Variants in SLC9A7 observed in about 807,000 individuals in gnomAD.
The protein encoded by SLC9A7 is sodium/hydrogen exchanger 7.
A neutral mutation model predicts 52.6 loss-of-function variants in SLC9A7; 19 were observed. The observed-to-expected ratio is 0.36, with a 90% CI of 0.25 to 0.53. The LOEUF is 0.53. Ranked by LOEUF, SLC9A7 falls within the 20% of genes least tolerant of loss-of-function variation. The pLI, the probability that SLC9A7 is intolerant of heterozygous loss-of-function variation, is 0.91. For synonymous variants in SLC9A7, 226 were observed against 252.1 expected (o/e 0.90, Z 0.98); for missense variants, 455 against 597.9 (o/e 0.76, Z 2.49).
At chrX:46,661,090 G>A (rs1195940186) in intron 7 of SLC9A7, among the ~76,000 whole-genome samples, 1 of 111,073 alleles carries the variant, frequency 9.0e-6, no homozygotes, top group Non-Finnish European at 1.9e-5. Flanking sequence ...GATGAAACTG[G>A]AAATCATCAT....
intron 3 of SLC9A7, among the ~76,000 whole-genome samples, chrX:46,679,076 C>T (rs1231968438): frequency 9.0e-6 from 1 of 111,417 alleles, no homozygotes; most frequent in East Asian, 2.8e-4. Flanking sequence ...AATTTGTTTC[C>T]CATTTTATAA....
intron 3 of SLC9A7, among the ~76,000 whole-genome samples, chrX:46,678,908 T>C (rs1820889580): frequency 1.8e-5 from 2 of 111,187 alleles, no homozygotes; most frequent in African/African-American, 6.5e-5. Flanking sequence ...TGTGTGTGCA[T>C]AGTTCCCTAT....
chrX:46,626,725 C>T (rs1433587022), intron 14 of SLC9A7, among the ~76,000 whole-genome samples: 3 of 111,729 alleles, frequency 2.7e-5, no homozygotes, highest in South Asian at 3.7e-4. Flanking sequence ...TGAGTTCTCA[C>T]GAGATCTGGT....
intron 1 of SLC9A7, among the ~76,000 whole-genome samples, chrX:46,739,448 A>ATCTC (rs531899878): frequency 1.8e-4 from 19 of 104,999 alleles, no homozygotes; most frequent in African/African-American, 4.5e-4. Context: ...GACTCCTATC[A>ATCTC]TCTCTCTCTC....
Position 46,758,918 on chromosome X carries a change from C to G in SLC9A7, c.112G>C (p.Ala38Pro). Residue 38 changes from alanine to proline, a missense_variant, in exon 1 of 17, where the codon GCG becomes CCG. Around this residue, in one of 3 missense-constraint regions of SLC9A7, gnomAD observed 304 missense variants for 417.8 expected, o/e 0.73. Coordinates refer to ENST00000616978, the MANE Select transcript of SLC9A7 (RefSeq NM_001257291.2). Reference protein sequence around the residue: ...LLGWGLRVAAAASASSSGAAA... With the variant: ...LLGWGLRVAAPASASSSGAAA... Reference sequence around the variant, plus strand: ...GCCCCAGAGGAGGAGGCCGAGGCCGCGGCCGCGACTCGCAGCCCCCAACCC... The same window carrying G: ...GCCCCAGAGGAGGAGGCCGAGGCCGGGGCCGCGACTCGCAGCCCCCAACCC... 1 of 1,154,029 alleles carries G rather than the reference C, an allele frequency of 8.7e-7. No individual in the cohort carries two copies. Among genetic ancestry groups the G allele is most frequent in the Non-Finnish European group, 1.1e-6 (1 of 869,582 alleles).
chrX:46,618,836 C>T (rs1459735426), intron 15 of SLC9A7, among the ~76,000 whole-genome samples: 4 of 109,034 alleles, frequency 3.7e-5, no homozygotes, highest in Admixed American at 9.8e-5. Flanking sequence ...CCCAGCTACT[C>T]GGGAGGCTAA....
chrX:46,695,022 C>T (rs1944430288), intron 1 of SLC9A7, among the ~76,000 whole-genome samples: 1 of 111,722 alleles, frequency 9.0e-6, no homozygotes, highest in South Asian at 3.7e-4. Context: ...GTGTCTAGGA[C>T]AGGTATATCT....
intron 1 of SLC9A7, among the ~76,000 whole-genome samples, chrX:46,717,777 T>C (rs1319397643): frequency 9.0e-6 from 1 of 111,276 alleles, no homozygotes; most frequent in Non-Finnish European, 1.9e-5. Flanking sequence ...TACAAACCAC[T>C]GCTCAATGAA....
chrX:46,722,121 G>A (rs1944870511), intron 1 of SLC9A7, among the ~76,000 whole-genome samples: 1 of 111,326 alleles, frequency 9.0e-6, no homozygotes, highest in Non-Finnish European at 1.9e-5. Flanking sequence ...GTAAGGGCGA[G>A]TAGTGAGTAC....
intron 1 of SLC9A7, among the ~76,000 whole-genome samples, chrX:46,715,585 G>A (rs1439929571): frequency 8.9e-6 from 1 of 111,906 alleles, no homozygotes; most frequent in African/African-American, 3.2e-5. Flanking sequence ...AGTTGAAAAT[G>A]ACAAATGTCG....
intron 7 of SLC9A7, among the ~76,000 whole-genome samples, chrX:46,660,797 G>C (rs1248621179): frequency 3.9e-4 from 42 of 108,576 alleles, no homozygotes; most frequent in African/African-American, 1.4e-3. Context: ...TTCAACCATT[G>C]TGGAAGTCAG....
At chrX:46,631,510 G>A (rs1278458307) in intron 14 of SLC9A7, 76 bp downstream of exon 14, 1 of 785,416 alleles carries the variant, frequency 1.3e-6, no homozygotes, top group African/African-American at 2.0e-5. Context: ...CACATTGAGG[G>A]AATCTAGGTA....
At chrX:46,709,636 A>G (rs1425754982) in intron 1 of SLC9A7, among the ~76,000 whole-genome samples, 2 of 112,038 alleles carry the variant, frequency 1.8e-5, no homozygotes, top group Non-Finnish European at 3.8e-5. Context: ...TACTGTATGT[A>G]TAAGACTGTG....
intron 7 of SLC9A7, among the ~76,000 whole-genome samples, chrX:46,658,623 A>G (rs1380392349): frequency 9.0e-6 from 1 of 111,109 alleles, no homozygotes; most frequent in African/African-American, 3.3e-5. Flanking sequence ...GAAAATCTAG[A>G]AGAAATGGAT....
Position 46,631,637 on chromosome X carries a change from G to A in SLC9A7, c.1689C>T (p.Asp563=). The A allele has an allele frequency of 8.3e-7, 1 of 1,207,572 alleles. No homozygotes were observed. The highest frequency in any genetic ancestry group is 1.1e-6 in the Non-Finnish European group (1 of 892,135). The change falls in exon 14 of 17, where the codon GAC becomes GAT. Residue 563 remains aspartate (D), a synonymous_variant. Transcript: ENST00000616978. Reference sequence around the variant, plus strand: ...TGTTGGGTGGTGGGTCTTGATCGGGGTCAACACCAACTCTGAAAGTCACCA... The same window carrying A: ...TGTTGGGTGGTGGGTCTTGATCGGGATCAACACCAACTCTGAAAGTCACCA... ...HHWQYFRVGV[D]PDQDPPPNND...
At chrX:46,609,926 G>A (rs769712674) in intron 16 of SLC9A7, among the ~76,000 whole-genome samples, 1 of 111,518 alleles carries the variant, frequency 9.0e-6, no homozygotes, top group Non-Finnish European at 1.9e-5. Context: ...TACTCGGGAG[G>A]CTGAGGCACG....
rs1258118579 is a variant in SLC9A7 at position 46,682,497 on chromosome X, C to T, written c.364G>A (p.Ala122Thr). The T allele has an allele frequency of 8.3e-7, 1 of 1,211,053 alleles. No homozygotes were observed. The highest frequency in any genetic ancestry group is 3.0e-5 in the East Asian group (1 of 33,826). Residue 122 changes from alanine (A) to threonine (T), a missense_variant, in exon 2 of 17, where the codon GCT becomes ACT. This residue lies in a region of SLC9A7 where 304 missense variants were observed against 417.8 expected (regional missense o/e 0.73). Coordinates refer to ENST00000616978, the MANE Select transcript of SLC9A7 (RefSeq NM_001257291.2). ...VGVILRYGTPATSGRDKSLSC... is the reference protein window; with the variant it reads ...VGVILRYGTPTTSGRDKSLSC... ...AGTGATTTGTCACGGCCACTGGTAG[C>T]AGGGGTACCATACCTCAGGATCACC...
At chrX:46,669,191 T>TA (rs932452763) in intron 5 of SLC9A7, among the ~76,000 whole-genome samples, 3 of 107,894 alleles carry the variant, frequency 2.8e-5, no homozygotes, top group Non-Finnish European at 5.7e-5. Flanking sequence ...AAGGAATTGT[T>TA]AAGATAGTAA....
intron 1 of SLC9A7, among the ~76,000 whole-genome samples, chrX:46,692,535 T>A (rs1202323397): frequency 9.0e-6 from 1 of 111,323 alleles, no homozygotes; most frequent in Non-Finnish European, 1.9e-5. Flanking sequence ...ACAAGTCCAA[T>A]TATCCATCAC....
Sources: gnomAD v4.1 joint callset for allele counts (sites outside exome capture counted in the v4.1 genomes callset) on GRCh38, gnomAD v4.1.1 for gene constraint, gnomAD v4.1.1 regional missense constraint, MANE v1.5 for transcripts, NCBI Gene and HGNC (gene_info 2026-07-23, HGNC 2026-07-21) for gene names.